Variants in CD163 observed in about 807,000 individuals in gnomAD.
The protein encoded by CD163 is CD163 molecule, also known as scavenger receptor cysteine-rich type 1 protein M130.
In CD163, 64 loss-of-function variants were observed where a neutral mutation model predicts 129.2. That is an observed-to-expected ratio of 0.50 (90% CI 0.41 to 0.61). CD163 has a LOEUF of 0.61. Ranked by LOEUF, CD163 falls within the 20% of genes least tolerant of loss-of-function variation. The probability of loss-of-function intolerance (pLI) is 0.00; values close to 1 mark genes in which losing one functional copy is unlikely to be tolerated. For missense variants in CD163, 1,061 were observed against 1,377.9 expected (o/e 0.77, Z 3.64); for synonymous variants, 446 against 478.5 (o/e 0.93, Z 0.89).
rs1223488326 is a variant in CD163, at chr12:7,487,200, C to T, written c.2050+159G>A. ...AGTCCATCAAAATTAGGTTTGCTCA[C>T]CCTCTGAAAAGACAAATGAGGTTAA... On this transcript the variant is annotated intron_variant, in intron 8 of 16. Transcript: ENST00000432237. The surrounding 1 kb of genome is among the most constrained non-coding windows in gnomAD (Gnocchi z 5.1). Among the ~76,000 whole-genome samples the T allele has an allele frequency of 6.6e-6, 1 of 152,144 alleles. No individual in the cohort carries two copies. The highest frequency in any genetic ancestry group is 1.5e-5 in the Non-Finnish European group (1 of 68,026).
Position 7,501,279 on chromosome 12 carries a change from G to A in CD163, c.317C>T (p.Ser106Phe), listed in dbSNP as rs956476367. 1.2e-6 allele frequency: 2 copies of A among 1,614,064 alleles called. No homozygotes were observed. The highest frequency in any genetic ancestry group is 2.7e-5 in the African/African-American group (2 of 74,926). The change falls in exon 3 of 17, where the codon TCC becomes TTC. Residue 106 changes from serine to phenylalanine, a missense_variant. Coordinates refer to ENST00000432237, the MANE Select transcript of CD163 (RefSeq NM_203416.4). ...TAIKAPGWANSSAGSGRIWMD... is the reference protein window; with the variant it reads ...TAIKAPGWANFSAGSGRIWMD... The stretch of plus-strand genomic sequence containing the variant: ...CCAAATGCGTCCAGAACCTGCACTG[G>A]AATTAGCCCATCCAGGGGCTTTGAT...
At chr12:7,497,357 G>T (rs73254927) in intron 4 of CD163, among the ~76,000 whole-genome samples, 244 of 152,296 alleles carry the variant, frequency 1.6e-3, no homozygotes, top group African/African-American at 5.4e-3. Context: ...TACAGGAAGT[G>T]TTTCTAACAG....
At chr12:7,497,311 A>G (rs1396514656) in intron 4 of CD163, among the ~76,000 whole-genome samples, 178 bp from the exon 5 acceptor site, 1 of 152,226 alleles carries the variant, frequency 6.6e-6, no homozygotes, top group Non-Finnish European at 1.5e-5. Flanking sequence ...TGGATCAGGC[A>G]AGAAGATGGG....
At chr12:7,476,626 TA>T (rs1949091901) in intron 16 of CD163, among the ~76,000 whole-genome samples, 1 of 152,114 alleles carries the variant, frequency 6.6e-6, no homozygotes, top group African/African-American at 2.4e-5. Context: ...CCTAAAACCA[TA>T]AAAACCCTAG....
chr12:7,491,324 A>G (rs747132404), intron 6 of CD163, among the ~76,000 whole-genome samples: 3 of 152,170 alleles, frequency 2.0e-5, no homozygotes, highest in African/African-American at 7.2e-5. Context: ...TTATTTCGTG[A>G]ATCTGCTAGT....
At chr12:7,483,778 ATT>A in intron 11 of CD163, 103 bp from the exon 12 acceptor site, 1 of 469,316 alleles carries the variant, frequency 2.1e-6, no homozygotes, top group Non-Finnish European at 3.3e-6. Flanking sequence ...AAAAAAAACT[ATT>A]TAAAATTTTA....
At chr12:7,483,079 G>A (rs1023985724) in intron 12 of CD163, 75 bp from the exon 13 acceptor site, 3 of 1,437,612 alleles carry the variant, frequency 2.1e-6, no homozygotes, top group South Asian at 2.4e-5. Context: ...TTCCTTGTCT[G>A]ACCCCTTAGT....
rs7980201 is a variant in CD163 at position 7,487,993 on chromosome 12, C to T, written c.1515G>A (p.Ser505=). The T allele has an allele frequency of 0.092, 148,716 of 1,613,984 alleles. 7,719 individuals carry two copies. Among genetic ancestry groups the T allele is most frequent in the South Asian group, 0.13 (12,294 of 91,074 alleles). Residue 505 remains serine, a synonymous_variant, in exon 7 of 17, where the codon TCG becomes TCA. Transcript: ENST00000432237. The surrounding 1 kb of genome is among the most constrained non-coding windows in gnomAD (Gnocchi z 5.1). ...CGCTGGCAGCTTCCAGAGAGAAGTC[C>T]GAATCACAGATGGAGCCCCACGTGT... The part of the protein sequence containing the change: ...HGDTWGSICD[S]DFSLEAASVL...
intron 12 of CD163, 99 bp downstream of exon 12, chr12:7,483,268 C>G (rs1949188846): frequency 9.1e-7 from 1 of 1,098,600 alleles, no homozygotes; most frequent in African/African-American, 1.6e-5. Context: ...CCACCAGATC[C>G]CTGTGCTGAT....
intron 3 of CD163, among the ~76,000 whole-genome samples, chr12:7,500,800 G>A (rs1949473902): frequency 6.6e-6 from 1 of 152,022 alleles, no homozygotes. Context: ...GAAAGAACAA[G>A]GAAATAACTT....
At chr12:7,494,427 G>T (rs1426588743) in intron 6 of CD163, among the ~76,000 whole-genome samples, 1 of 152,134 alleles carries the variant, frequency 6.6e-6, no homozygotes, top group African/African-American at 2.4e-5. Flanking sequence ...TTGGTTAGAG[G>T]ACATGCAGCA....
intron 6 of CD163, among the ~76,000 whole-genome samples, chr12:7,492,190 C>T (rs11054178): frequency 6.6e-6 from 1 of 151,916 alleles, no homozygotes; most frequent in Non-Finnish European, 1.5e-5. Context: ...CTTCCAAAAC[C>T]TACAGCAATA....
chr12:7,485,453 T>C lies in CD163; in HGVS notation c.2459-37A>G. ...CATAGAATTAGTAGTTTTGCATCTT[T>C]TCTGAAGATTCAGAGACTCCTTCCC... is the stretch of plus-strand genomic sequence containing the variant. On this transcript the variant is annotated intron_variant, in intron 10 of 16. Coordinates refer to ENST00000432237, the MANE Select transcript of CD163 (RefSeq NM_203416.4). This position sits in a 1 kb window ranked among gnomAD's most constrained non-coding sequence, Gnocchi z 4.5. The C allele has an allele frequency of 6.5e-7, 1 of 1,541,720 alleles. No individual in the cohort carries two copies. The highest frequency in any genetic ancestry group is 8.9e-7 in the Non-Finnish European group (1 of 1,123,434).
At chr12:7,501,534 A>G in intron 2 of CD163, 72 bp from the exon 3 acceptor site, 1 of 1,140,824 alleles carries the variant, frequency 8.8e-7, no homozygotes. Flanking sequence ...TTTTTACATT[A>G]CTTATTTATC....
chr12:7,471,705 A>G (rs1278654354), intron 16 of CD163: 1 of 152,072 alleles, frequency 6.6e-6, no homozygotes, highest in Non-Finnish European at 1.5e-5. Flanking sequence ...TCATTTCTGC[A>G]TTTCCAACTG....
intron 6 of CD163, among the ~76,000 whole-genome samples, chr12:7,491,786 G>A (rs1277673065): frequency 6.6e-6 from 1 of 152,054 alleles, no homozygotes; most frequent in Non-Finnish European, 1.5e-5. Context: ...TAGCTCAAAT[G>A]AACTGTTTCT....
chr12:7,476,890 A>T (rs1410750307), intron 16 of CD163, among the ~76,000 whole-genome samples: 1 of 152,194 alleles, frequency 6.6e-6, no homozygotes, highest in Non-Finnish European at 1.5e-5. Context: ...ACAAATCTAC[A>T]AGAGAAACAC....
intron 16 of CD163, among the ~76,000 whole-genome samples, chr12:7,475,628 T>C (rs991474604): frequency 2.6e-5 from 4 of 152,124 alleles, no homozygotes; most frequent in African/African-American, 9.7e-5. Context: ...CCATAGCCAA[T>C]ATAATATTGA....
chr12:7,496,043 C>T lies in CD163; in HGVS notation c.1100-642G>A, dbSNP rs1256376693. On this transcript the variant is annotated intron_variant, in intron 5 of 16. Coordinates refer to ENST00000432237, the MANE Select transcript of CD163 (RefSeq NM_203416.4). This position sits in a 1 kb window ranked among gnomAD's most constrained non-coding sequence, Gnocchi z 4.8. The stretch of plus-strand genomic sequence containing the variant: ...ATGCACATGTATGTTTATTGCAGCA[C>T]TATCTACAATAACAAAGACTTGGAA... 6.6e-6 allele frequency among the ~76,000 whole-genome samples: 1 copy of T among 152,122 alleles called. No individual in the cohort carries two copies. The highest frequency in any genetic ancestry group is 1.5e-5 in the Non-Finnish European group (1 of 68,018).
Sources: gnomAD v4.1 joint callset for allele counts (sites outside exome capture counted in the v4.1 genomes callset) on GRCh38, gnomAD v4.1.1 for gene constraint, Gnocchi (gnomAD v3.1) non-coding constraint, MANE v1.5 for transcripts, NCBI Gene and HGNC (gene_info 2026-07-23, HGNC 2026-07-21) for gene names.